Variants in BCAS4 observed in about 807,000 individuals in gnomAD.
BCAS4 encodes breast carcinoma amplified sequence 4.
BCAS4 carries 9 observed loss-of-function variants against 15.7 expected under a neutral mutation model. That is an observed-to-expected ratio of 0.57 (90% CI 0.34 to 1.00). The LOEUF (loss-of-function observed/expected upper bound fraction) is 1.00. Among genes scored for constraint, BCAS4 ranks in the 50% least tolerant of loss-of-function variants. BCAS4 has a pLI of 0.02. For missense variants in BCAS4, 225 were observed against 239.1 expected (o/e 0.94, Z 0.39); for synonymous variants, 101 against 99.5 (o/e 1.02, Z -0.09).
chr20:50,838,150 C>T (rs2088432943), intron 3 of BCAS4, among the ~76,000 whole-genome samples: 1 of 152,238 alleles, frequency 6.6e-6, no homozygotes, highest in Non-Finnish European at 1.5e-5. Context: ...CTCACTCATT[C>T]ACTCATTCAT....
In BCAS4 at chr20:50,876,879, G is replaced by A; in HGVS notation, c.*271G>A. On this transcript the variant is annotated 3_prime_UTR_variant, in exon 5 of 5. Coordinates refer to ENST00000371608, the MANE Select transcript of BCAS4 (RefSeq NM_198799.4). ...TTCAAATTTCCTCCCTGCCTCATGT[G>A]AGACCACAGGGTTTGGAGAAGCAGT... 1 of 272,770 alleles carries A rather than the reference G, an allele frequency of 3.7e-6. No homozygotes were observed. Among genetic ancestry groups the A allele is most frequent in the Non-Finnish European group, 6.8e-6 (1 of 147,190 alleles). The allele number at this position is 272,770 out of a possible 1,614,324, so 16.9% of individuals were successfully genotyped here. A position where few individuals can be genotyped will look rare whatever the true frequency, so the allele number is the denominator to read the frequency against.
chr20:50,847,066 G>A (rs1462755390), intron 4 of BCAS4, among the ~76,000 whole-genome samples: 1 of 152,154 alleles, frequency 6.6e-6, no homozygotes, highest in Non-Finnish European at 1.5e-5. Context: ...CTAAAGCAGA[G>A]GAGGAAAGCT....
At chr20:50,849,734 C>T (rs917086908) in intron 4 of BCAS4, among the ~76,000 whole-genome samples, 2 of 152,170 alleles carry the variant, frequency 1.3e-5, no homozygotes, top group African/African-American at 4.8e-5. Context: ...GGGGAGAAAG[C>T]TGGACATTTG....
chr20:50,824,587 C>T (rs1298250529), intron 2 of BCAS4, among the ~76,000 whole-genome samples: 1 of 152,212 alleles, frequency 6.6e-6, no homozygotes, highest in East Asian at 1.9e-4. Context: ...CAAATGTAAA[C>T]ACCTGTAATG....
intron 1 of BCAS4, among the ~76,000 whole-genome samples, chr20:50,796,841 T>A (rs993625683): frequency 1.3e-5 from 2 of 151,518 alleles, no homozygotes; most frequent in African/African-American, 4.9e-5. Flanking sequence ...TTTTTAATTT[T>A]TTTTTTTTTG....
intron 4 of BCAS4, among the ~76,000 whole-genome samples, chr20:50,856,393 G>A (rs1299764563): frequency 6.6e-6 from 1 of 152,162 alleles, no homozygotes; most frequent in Admixed American, 6.5e-5. Flanking sequence ...CAAAGTCAAG[G>A]TCAAAGTTCC....
chr20:50,804,304 G>A (rs1361348723), intron 1 of BCAS4, among the ~76,000 whole-genome samples: 2 of 152,162 alleles, frequency 1.3e-5, no homozygotes, highest in African/African-American at 2.4e-5. Flanking sequence ...CTCCCAAAGT[G>A]CTGGGATTAT....
At chr20:50,852,563 G>A (rs980168664) in intron 4 of BCAS4, among the ~76,000 whole-genome samples, 3 of 151,552 alleles carry the variant, frequency 2.0e-5, no homozygotes, top group African/African-American at 7.3e-5. Flanking sequence ...TGTATTTTTA[G>A]TAGAGATGAG....
intron 1 of BCAS4, among the ~76,000 whole-genome samples, chr20:50,812,355 G>T (rs181858138): frequency 6.6e-6 from 1 of 150,776 alleles, no homozygotes; most frequent in Non-Finnish European, 1.5e-5. Context: ...GGATGGTCTC[G>T]ATCTCCTGAC....
chr20:50,823,334 C>T (rs1287396955), intron 2 of BCAS4, among the ~76,000 whole-genome samples: 5 of 151,784 alleles, frequency 3.3e-5, no homozygotes, highest in Admixed American at 2.0e-4. Flanking sequence ...AGTGAGACTC[C>T]GTCCCCCCGG....
chr20:50,841,573 C>T (rs2088481970), intron 3 of BCAS4, among the ~76,000 whole-genome samples, 193 bp from the exon 4 acceptor site: 1 of 152,130 alleles, frequency 6.6e-6, no homozygotes, highest in African/African-American at 2.4e-5. Context: ...CCAGCGGGAG[C>T]TGTGACCGTT....
chr20:50,851,312 G>A lies in BCAS4; in HGVS notation c.399+9412G>A, dbSNP rs555165934. Among the ~76,000 whole-genome samples the A allele has an allele frequency of 6.6e-6, 1 of 152,262 alleles. No homozygotes were observed. The highest frequency in any genetic ancestry group is 1.9e-4 in the East Asian group (1 of 5,176). On this transcript the variant is annotated intron_variant, in intron 4 of 4. Transcript: ENST00000371608. The surrounding 1 kb of genome is among the most constrained non-coding windows in gnomAD (Gnocchi z 4.3). ...GATAGCAAATATGAGGACCACGACT[G>A]TGGAGGGCCGAGGGGTGCCGGGTCC... is the stretch of plus-strand genomic sequence containing the variant.
intron 4 of BCAS4, among the ~76,000 whole-genome samples, chr20:50,847,328 C>A (rs2088558529): frequency 6.6e-6 from 1 of 152,146 alleles, no homozygotes; most frequent in Admixed American, 6.5e-5. Context: ...CTCAAGTGAT[C>A]CACCCACCTC....
chr20:50,848,990 G>A (rs542305587), intron 4 of BCAS4, among the ~76,000 whole-genome samples: 1 of 152,258 alleles, frequency 6.6e-6, no homozygotes, highest in African/African-American at 2.4e-5. Flanking sequence ...AGGCATGTGC[G>A]GAAGTGAAAG....
At chr20:50,838,924 T>C (rs1408148975) in intron 3 of BCAS4, among the ~76,000 whole-genome samples, 1 of 151,890 alleles carries the variant, frequency 6.6e-6, no homozygotes, top group African/African-American at 2.4e-5. Context: ...CAGGGCGCTA[T>C]AGGCAGGGAG....
intron 4 of BCAS4, among the ~76,000 whole-genome samples, chr20:50,845,458 C>A (rs2088532087): frequency 6.6e-6 from 1 of 152,168 alleles, no homozygotes; most frequent in African/African-American, 2.4e-5. Context: ...CCCTCAGAGG[C>A]TGACATTCCA....
chr20:50,838,889 G>A (rs1464315920), intron 3 of BCAS4, among the ~76,000 whole-genome samples: 1 of 151,932 alleles, frequency 6.6e-6, no homozygotes, highest in Non-Finnish European at 1.5e-5. Context: ...CACAAGCAGG[G>A]CCACACCCCA....
chr20:50,795,131 G>A lies in BCAS4; in HGVS notation c.48G>A (p.Ala16=). 6.8e-7 allele frequency: 1 copy of A among 1,478,082 alleles called. No individual in the cohort carries two copies. The highest frequency in any genetic ancestry group is 1.3e-5 in the South Asian group (1 of 77,586). 91.6% of individuals were successfully genotyped at this position (1,478,082 alleles called of 1,614,324 possible). Residue 16 remains alanine, a synonymous_variant, in exon 1 of 5, where the codon GCG becomes GCA. Coordinates refer to ENST00000371608, the MANE Select transcript of BCAS4 (RefSeq NM_198799.4). ...ADQPEPMRSG[A]RELALFLTPE... is the part of the protein sequence containing the mutation. ...AGCCGGAGCCCATGCGCAGCGGGGCGCGCGAGCTCGCGCTCTTCCTGACCC... is the reference window on the plus strand; with the variant it reads ...AGCCGGAGCCCATGCGCAGCGGGGCACGCGAGCTCGCGCTCTTCCTGACCC...
intron 4 of BCAS4, among the ~76,000 whole-genome samples, chr20:50,852,456 G>A (rs1189350458): frequency 6.6e-6 from 1 of 151,834 alleles, no homozygotes. Flanking sequence ...ATCTTAGCTC[G>A]CTGCAACCTC....
Sources: allele counts gnomAD v4.1 joint callset (sites outside exome capture counted in the v4.1 genomes callset), GRCh38; gene constraint gnomAD v4.1.1; non-coding constraint Gnocchi (gnomAD v3.1); transcripts MANE v1.5; gene names NCBI Gene and HGNC (gene_info 2026-07-23, HGNC 2026-07-21).